The following NPC1 variants were observed in gnomAD, a reference collection of about 807,000 sequenced individuals.
The protein encoded by NPC1 is NPC intracellular cholesterol transporter 1, also known as Niemann-Pick C1 protein.
A neutral mutation model predicts 140.4 loss-of-function variants in NPC1; 85 were observed. The observed-to-expected ratio is 0.61, with a 90% confidence interval of 0.51 to 0.72. NPC1 has a LOEUF of 0.72. NPC1 is among the 30% of genes least tolerant of loss of function. NPC1 has a pLI of 0.00. For missense variants in NPC1, 1,504 were observed against 1,623.8 expected (o/e 0.93, Z 1.27); for synonymous variants, 656 against 624.8 (o/e 1.05, Z -0.74).
At chr18:23,572,295 A>G (rs915243874) in intron 2 of NPC1, 115 bp from the exon 3 acceptor site, 2 of 722,808 alleles carry the variant, frequency 2.8e-6, no homozygotes, top group African/African-American at 3.5e-5. Flanking sequence ...ACAAAAGGGT[A>G]AGACACATCC....
chr18:23,578,922 A>C (rs2059324911), intron 1 of NPC1, among the ~76,000 whole-genome samples: 1 of 152,160 alleles, frequency 6.6e-6, no homozygotes, highest in Non-Finnish European at 1.5e-5. Context: ...CCTCACTCGG[A>C]CCCGGCAGTG....
intron 3 of NPC1, among the ~76,000 whole-genome samples, chr18:23,510,014 T>G: frequency 7.8e-6 from 1 of 127,842 alleles, no homozygotes; most frequent in Admixed American, 7.9e-5. Flanking sequence ...TTGCAAGTAA[T>G]AAATTAAAAA....
chr18:23,531,279 G>A (rs750229283), downstream of NPC1, among the ~76,000 whole-genome samples: 1 of 152,010 alleles, frequency 6.6e-6, no homozygotes, highest in African/African-American at 2.4e-5. Context: ...TTGAGCCACC[G>A]CACCTGGCCC....
chr18:23,557,281 C>A, intron 6 of NPC1, 91 bp from the exon 7 acceptor site: 1 of 940,372 alleles, frequency 1.1e-6, no homozygotes, highest in Non-Finnish European at 1.7e-6. Flanking sequence ...GAAATGCTTT[C>A]TTCCTCCTCC....
intron 1 of NPC1, among the ~76,000 whole-genome samples, chr18:23,577,375 GTA>G: frequency 6.7e-6 from 1 of 149,696 alleles, no homozygotes; most frequent in Non-Finnish European, 1.5e-5. Flanking sequence ...GCTGATTGGT[GTA>G]TTTACAATCC....
intron 10 of NPC1, among the ~76,000 whole-genome samples, chr18:23,550,104 T>TG (rs1260328301): frequency 7.4e-5 from 11 of 148,456 alleles, no homozygotes; most frequent in Admixed American, 3.3e-4. Context: ...CTCAACCTCC[T>TG]GGGCTCAAGT....
At chr18:23,507,459 G>A (rs950016833) in intron 3 of NPC1, among the ~76,000 whole-genome samples, 1 of 152,144 alleles carries the variant, frequency 6.6e-6, no homozygotes, top group African/African-American at 2.4e-5. Flanking sequence ...GAATATGTGA[G>A]GTATTTTTGG....
At position 23,535,584 on chromosome 18, in the gene NPC1, A is replaced by C. The variant is rs2058617287; in HGVS notation, c.3362T>G (p.Leu1121Arg). ...GGCACACATGATGACTGCAGACCAGAGCTCACAGCCCAGGAGGACCATGGT... is the reference window on the plus strand; with the variant it reads ...GGCACACATGATGACTGCAGACCAGCGCTCACAGCCCAGGAGGACCATGGT... ...LVTMVLLGCELWSAVIMCATI... is the reference protein window; with the variant it reads ...LVTMVLLGCERWSAVIMCATI... The change falls in exon 22 of 25, where the codon CTC (leucine) becomes CGC (arginine). Residue 1121 changes from leucine (L) to arginine (R), a missense_variant. Transcript: ENST00000269228. 3 of 1,614,108 alleles carry C rather than the reference A, an allele frequency of 1.9e-6. 1 individual carries two copies. In the African/African-American group the frequency reaches 4.0e-5, roughly 22 times the overall value.
intron 3 of NPC1, among the ~76,000 whole-genome samples, chr18:23,513,533 G>A (rs554704664): frequency 8.5e-5 from 13 of 152,326 alleles, no homozygotes; most frequent in East Asian, 7.7e-4. Flanking sequence ...TCAAGATCCC[G>A]TTTTCAGTTC....
At chr18:23,530,081 T>C, downstream of NPC1, 1 of 1,614,258 alleles carries the variant, frequency 6.2e-7, no homozygotes, top group Non-Finnish European at 8.5e-7. Context: ...ACCTCTTTTA[T>C]ATGCTGCATC....
downstream of NPC1, chr18:23,518,798 A>C (rs556569167): frequency 1.3e-5 from 15 of 1,130,160 alleles, no homozygotes; most frequent in East Asian, 3.6e-4. Flanking sequence ...CATTAAGTGA[A>C]TATCTTATAA....
rs1430145176 is a variant in NPC1, at chr18:23,544,326, G to A, written c.2130+18C>T. ...AACTTGAACAGATGCTGAGCCCTGT[G>A]AGAATATGGAAGTATACCTGGTAGG... On this transcript the variant is annotated intron_variant, in intron 13 of 24. Transcript: ENST00000269228. 4 of 1,612,754 alleles carry A rather than the reference G, an allele frequency of 2.5e-6. No individual in the cohort carries two copies. Among genetic ancestry groups the A allele is most frequent in the Non-Finnish European group, 3.4e-6 (4 of 1,178,944 alleles).
chr18:23,547,507 G>A (rs2058805913), intron 11 of NPC1, among the ~76,000 whole-genome samples: 1 of 152,162 alleles, frequency 6.6e-6, no homozygotes, highest in South Asian at 2.1e-4. Context: ...TTGGGAGGCC[G>A]AGGAGGGTGA....
chr18:23,566,514 G>A (rs1173565594), intron 4 of NPC1, among the ~76,000 whole-genome samples: 2 of 152,122 alleles, frequency 1.3e-5, no homozygotes, highest in African/African-American at 2.4e-5. Context: ...GCAGGCCGAG[G>A]CAGGAGGATC....
Position 23,532,008 on chromosome 18 carries a change from C to T in NPC1, c.*194G>A. ...GAAGTTTAGTGTCCTGTGGTTGCCT[C>T]CAGATCTAGTAATACTGCTTCCCAA... On this transcript the variant is annotated 3_prime_UTR_variant, in exon 25 of 25. Transcript: ENST00000269228. The T allele has an allele frequency of 2.0e-6, 3 of 1,493,072 alleles. No individual in the cohort carries two copies. In the South Asian group the frequency reaches 4.0e-5, roughly 20 times the overall value. The allele number at this position is 1,493,072 out of a possible 1,614,324, so 92.5% of individuals were successfully genotyped here. A position where few individuals can be genotyped will look rare whatever the true frequency, so the allele number is the denominator to read the frequency against.
At chr18:23,544,564 A>T in intron 12 of NPC1, 38 bp from the exon 13 acceptor site, 1 of 1,596,724 alleles carries the variant, frequency 6.3e-7, no homozygotes, top group Non-Finnish European at 8.6e-7. Flanking sequence ...AATTAGTTAC[A>T]GGGTTGTCTG....
In NPC1 at chr18:23,534,336, T is replaced by A; in HGVS notation, c.3591+110A>T. On this transcript the variant is annotated intron_variant, in intron 23 of 24. Coordinates refer to ENST00000269228, the MANE Select transcript of NPC1 (RefSeq NM_000271.5). Reference sequence around the variant, plus strand: ...CTAATTCATGAATTGCCTGAAAGCTTGCAATCCTTAGAAGCTGCTTTGTAA... The same window carrying A: ...CTAATTCATGAATTGCCTGAAAGCTAGCAATCCTTAGAAGCTGCTTTGTAA... 4 of 782,320 alleles carry A rather than the reference T, an allele frequency of 5.1e-6. No homozygotes were observed. In the South Asian group the frequency reaches 5.7e-5, roughly 11 times the overall value. 48.5% of individuals were successfully genotyped at this position (782,320 alleles called of 1,614,324 possible).
downstream of NPC1, chr18:23,531,436 A>G: frequency 8.1e-7 from 1 of 1,235,120 alleles, no homozygotes; most frequent in Non-Finnish European, 1.1e-6. Flanking sequence ...GACAGGTTAG[A>G]TAGAATCTCT....
rs757204146 is a variant in NPC1, at chr18:23,532,246, C to T, written c.3793G>A (p.Glu1265Lys). 1.9e-6 allele frequency: 3 copies of T among 1,614,066 alleles called. No homozygotes were observed. The African/African-American group carries it at 4.0e-5, about 22-fold the overall frequency. The change falls in exon 25 of 25, where the codon GAG becomes AAG. Residue 1265 changes from glutamate (E) to lysine (K), a missense_variant. Glu to Lys is a moderately conservative substitution (Grantham distance 56). Coordinates refer to ENST00000269228, the MANE Select transcript of NPC1 (RefSeq NM_000271.5). ...VNKAKSCATEERYKGTERERL... is the reference protein window; with the variant it reads ...VNKAKSCATEKRYKGTERERL... Reference sequence around the variant, plus strand: ...TCGCGCTCTGTTCCTTTGTATCGCTCTTCAGTGGCACAACTTTTGGCTTTA... The same window carrying T: ...TCGCGCTCTGTTCCTTTGTATCGCTTTTCAGTGGCACAACTTTTGGCTTTA...
Sources: gnomAD v4.1 joint callset for allele counts (sites outside exome capture counted in the v4.1 genomes callset) on GRCh38, gnomAD v4.1.1 for gene constraint, MANE v1.5 for transcripts, NCBI Gene and HGNC (gene_info 2026-07-23, HGNC 2026-07-21) for gene names.